The following MCU variants were observed in gnomAD, a reference collection of about 807,000 sequenced individuals.
MCU encodes the protein calcium uniporter protein, mitochondrial.
A neutral mutation model predicts 45.2 loss-of-function variants in MCU; 12 were observed. The ratio of observed to expected loss-of-function variants is 0.27; its 90% CI spans 0.17 to 0.43. The LOEUF (loss-of-function observed/expected upper bound fraction) is 0.43, where lower values mean the gene tolerates loss of function less well. Ranked by LOEUF, MCU falls within the 20% of genes least tolerant of loss-of-function variation. MCU has a pLI of 1.00. For missense variants in MCU, 324 were observed against 436.7 expected (o/e 0.74, Z 2.30); for synonymous variants, 160 against 165.1 (o/e 0.97, Z 0.24).
At chr10:72,748,071 G>A (rs1366163759) in intron 1 of MCU, among the ~76,000 whole-genome samples, 6 of 145,768 alleles carry the variant, frequency 4.1e-5, no homozygotes, top group East Asian at 4.0e-4. Flanking sequence ...TTTTTGAGAC[G>A]GAGTCTTGCT....
chr10:72,732,393 G>A (rs1843188507), intron 1 of MCU, among the ~76,000 whole-genome samples: 1 of 152,120 alleles, frequency 6.6e-6, no homozygotes. Flanking sequence ...AGGCAGTTTT[G>A]TGCCCTTTTC....
At chr10:72,779,291 T>C (rs145296098) in intron 1 of MCU, among the ~76,000 whole-genome samples, 4,400 of 152,256 alleles carry the variant, frequency 0.029, 84 homozygotes, top group Admixed American at 0.044. Context: ...TTCACAGCAC[T>C]TTGGGAAGGG....
At chr10:72,750,175 G>GTC (rs1843474392) in intron 1 of MCU, among the ~76,000 whole-genome samples, 1 of 152,054 alleles carries the variant, frequency 6.6e-6, no homozygotes, top group African/African-American at 2.4e-5. Context: ...TGTGAGTGAG[G>GTC]TCTCCTTCAT....
chr10:72,881,313 C>A (rs898961366), intron 6 of MCU, among the ~76,000 whole-genome samples: 2 of 151,962 alleles, frequency 1.3e-5, no homozygotes, highest in African/African-American at 4.8e-5. Context: ...TCTTATAGCT[C>A]CTATAAGAGA....
chr10:72,810,331 T>TGACTGAGAGGCAGGAAACAGTTCTG (rs1199746241), intron 1 of MCU, among the ~76,000 whole-genome samples: 22 of 152,192 alleles, frequency 1.4e-4, no homozygotes, highest in Non-Finnish European at 2.6e-4. Flanking sequence ...GTGACGTCTT[T>TGACTGAGAGGCAGGAAACAGTTCTG]GACTGAGAGG....
At chr10:72,880,333 A>G (rs988133658) in intron 6 of MCU, among the ~76,000 whole-genome samples, 46 of 152,242 alleles carry the variant, frequency 3.0e-4, no homozygotes, top group Non-Finnish European at 2.9e-5. Context: ...AGTGAGTTTC[A>G]TAAGGTTATT....
At chr10:72,706,401 G>A (rs916412645) in intron 1 of MCU, among the ~76,000 whole-genome samples, 1 of 151,846 alleles carries the variant, frequency 6.6e-6, no homozygotes, top group African/African-American at 2.4e-5. Flanking sequence ...AGTGATTATA[G>A]CATTTTTATT....
intron 1 of MCU, among the ~76,000 whole-genome samples, chr10:72,712,984 T>C (rs1429130908): frequency 6.6e-6 from 1 of 152,182 alleles, no homozygotes; most frequent in Admixed American, 6.5e-5. Flanking sequence ...TTCCAGGGAC[T>C]GTCGCTACGG....
At chr10:72,805,553 G>A (rs1384772163) in intron 1 of MCU, among the ~76,000 whole-genome samples, 1 of 152,006 alleles carries the variant, frequency 6.6e-6, no homozygotes, top group African/African-American at 2.4e-5. Flanking sequence ...GGCTGCCCTA[G>A]TATATTTCTG....
chr10:72,797,575 C>T (rs1844270011), intron 1 of MCU, among the ~76,000 whole-genome samples: 1 of 140,142 alleles, frequency 7.1e-6, no homozygotes, highest in African/African-American at 2.7e-5. Flanking sequence ...CACTCTGTTG[C>T]CAAGACTGGA....
intron 1 of MCU, among the ~76,000 whole-genome samples, chr10:72,821,640 C>T (rs1459127546): frequency 1.3e-5 from 2 of 152,256 alleles, no homozygotes; most frequent in East Asian, 1.9e-4. Flanking sequence ...TTCCTCACAA[C>T]AATTTCTTGA....
intron 1 of MCU, among the ~76,000 whole-genome samples, chr10:72,782,052 C>T (rs1844002597): frequency 6.6e-6 from 1 of 152,190 alleles, no homozygotes; most frequent in African/African-American, 2.4e-5. Context: ...TCATGAGTCT[C>T]TATACTCTGC....
rs115649150 is a variant in MCU, at chr10:72,744,624, C to T, written c.150+52323C>T. Reference sequence around the variant, plus strand: ...CAGCCTGGGTGACAGGGTGAGACTTCGTCTCAAAATTCAGGAGTTTAGGGA... The same window carrying T: ...CAGCCTGGGTGACAGGGTGAGACTTTGTCTCAAAATTCAGGAGTTTAGGGA... On this transcript the variant is annotated intron_variant, in intron 1 of 7. Transcript: ENST00000373053. Among the ~76,000 whole-genome samples the T allele has an allele frequency of 7.7e-3, 1,168 of 152,222 alleles. 18 individuals are homozygous for T. The highest frequency in any genetic ancestry group is 0.027 in the African/African-American group (1,103 of 41,532).
chr10:72,805,159 C>CTT (rs1396432429), intron 1 of MCU, among the ~76,000 whole-genome samples: 1 of 137,934 alleles, frequency 7.2e-6, no homozygotes, highest in African/African-American at 3.1e-5. Flanking sequence ...TTCTTTCTTT[C>CTT]TGTCTCTCTC....
chr10:72,825,172 G>T (rs1284199165), intron 1 of MCU, among the ~76,000 whole-genome samples: 1 of 152,090 alleles, frequency 6.6e-6, no homozygotes, highest in Non-Finnish European at 1.5e-5. Context: ...GCACAATTGG[G>T]TCAGTAGATA....
At chr10:72,846,714 TTGAC>T (rs1186160407) in intron 2 of MCU, among the ~76,000 whole-genome samples, 1 of 152,202 alleles carries the variant, frequency 6.6e-6, no homozygotes, top group African/African-American at 2.4e-5. Flanking sequence ...ATGAAAATGT[TTGAC>T]TGGCCTGGGA....
At chr10:72,770,797 A>G (rs61864440) in intron 1 of MCU, among the ~76,000 whole-genome samples, 98 of 152,088 alleles carry the variant, frequency 6.4e-4, no homozygotes, top group Non-Finnish European at 1.1e-3. Context: ...CAGTAGTACA[A>G]TTATATATAT....
At chr10:72,851,449 T>G (rs994622629) in intron 2 of MCU, among the ~76,000 whole-genome samples, 1 of 152,148 alleles carries the variant, frequency 6.6e-6, no homozygotes, top group Non-Finnish European at 1.5e-5. Flanking sequence ...AGACTGGAGT[T>G]TTATTACTCA....
chr10:72,719,303 T>C (rs973131990), intron 1 of MCU, among the ~76,000 whole-genome samples: 3 of 152,206 alleles, frequency 2.0e-5, no homozygotes, highest in Admixed American at 6.5e-5. Context: ...GCTGTTACAG[T>C]CTTAGTCTTA....
Sources: allele counts gnomAD v4.1 joint callset (sites outside exome capture counted in the v4.1 genomes callset), GRCh38; gene constraint gnomAD v4.1.1; transcripts MANE v1.5; gene names NCBI Gene and HGNC (gene_info 2026-07-23, HGNC 2026-07-21).